RNGTT: variants seen among roughly 807,000 people sequenced by gnomAD.
The protein encoded by RNGTT is RNA guanylyltransferase and 5'-phosphatase.
A neutral mutation model predicts 79.3 loss-of-function variants in RNGTT; 33 were observed. That is an observed-to-expected ratio of 0.42 (90% CI 0.32 to 0.56). RNGTT has a LOEUF of 0.56. Among genes scored for constraint, RNGTT ranks in the 20% least tolerant of loss-of-function variants. RNGTT has a pLI of 0.17. For missense variants in RNGTT, 497 were observed against 739.1 expected (o/e 0.67, Z 3.80); for synonymous variants, 222 against 235.9 (o/e 0.94, Z 0.54).
intron 13 of RNGTT, among the ~76,000 whole-genome samples, chr6:88,753,797 G>C (rs1777917919): frequency 1.3e-5 from 2 of 151,906 alleles, no homozygotes; most frequent in African/African-American, 4.8e-5. Flanking sequence ...TACTGACAAA[G>C]AGCAGCAAAA....
At chr6:88,749,023 C>T (rs1164643833) in intron 13 of RNGTT, among the ~76,000 whole-genome samples, 2 of 152,038 alleles carry the variant, frequency 1.3e-5, no homozygotes, top group African/African-American at 2.4e-5. Flanking sequence ...GATTTGTCGA[C>T]AGCAACAAGG....
rs545988315 is a variant in RNGTT at position 88,730,679 on chromosome 6, G to A, written c.1439+39095C>T. On this transcript the variant is annotated intron_variant, in intron 13 of 15. Coordinates refer to ENST00000369485, the MANE Select transcript of RNGTT (RefSeq NM_003800.5). ...CCCAGTTCCTAACAGGCCATGGACT[G>A]GTACGGGTCTGTGGCCTGGGAGTTG... 2.6e-5 allele frequency among the ~76,000 whole-genome samples: 4 copies of A among 152,334 alleles called. No individual in the cohort carries two copies. The East Asian group carries it at 5.8e-4, about 22-fold the overall frequency.
At chr6:88,647,715 A>AAAAAAAAAAAAAAGAAG (rs531898293) in intron 14 of RNGTT, among the ~76,000 whole-genome samples, 1 of 142,446 alleles carries the variant, frequency 7.0e-6, no homozygotes, top group African/African-American at 3.0e-5. Context: ...AAAAAAAAAA[A>AAAAAAAAAAAAAAGAAG]AAGAAGAAGA....
At position 88,826,788 on chromosome 6, in the gene RNGTT, GAA is replaced by G. The variant is rs1189448559; in HGVS notation, c.1269+17567_1269+17568del. 9.8e-3 allele frequency among the ~76,000 whole-genome samples: 682 copies of G among 69,688 alleles called. 8 individuals are homozygous for G. The highest frequency in any genetic ancestry group is 0.044 in the African/African-American group (643 of 14,628). 45.7% of individuals were successfully genotyped at this position (69,688 alleles called of 152,430 possible). ...ACAAGAGCAAAACCCTGTCTCAAAA[GAA>G]AAAAAAAAAATATATATATATATAT... On this transcript the variant is annotated intron_variant, in intron 11 of 15. Coordinates refer to ENST00000369485, the MANE Select transcript of RNGTT (RefSeq NM_003800.5).
intron 11 of RNGTT, among the ~76,000 whole-genome samples, chr6:88,806,598 G>C (rs1381627433): frequency 6.6e-6 from 1 of 151,870 alleles, no homozygotes; most frequent in Non-Finnish European, 1.5e-5. Context: ...TACAGGTGTG[G>C]GCCACCGCAC....
chr6:88,918,236 T>C (rs1270861039), intron 4 of RNGTT, among the ~76,000 whole-genome samples: 1 of 151,992 alleles, frequency 6.6e-6, no homozygotes, highest in Non-Finnish European at 1.5e-5. Context: ...GGTGGGAAGA[T>C]TGCTCGAGAC....
At chr6:88,783,903 C>CT (rs925322368) in intron 12 of RNGTT, among the ~76,000 whole-genome samples, 6 of 151,538 alleles carry the variant, frequency 4.0e-5, no homozygotes, top group Non-Finnish European at 8.8e-5. Context: ...TGCATTCATT[C>CT]TTTTTTTTTA....
At chr6:88,745,904 T>C (rs557333955) in intron 13 of RNGTT, among the ~76,000 whole-genome samples, 1 of 152,266 alleles carries the variant, frequency 6.6e-6, no homozygotes, top group Non-Finnish European at 1.5e-5. Context: ...TGCCTCTTAT[T>C]TCCAAAGCTA....
At chr6:88,678,619 AT>A (rs760678232) in intron 13 of RNGTT, among the ~76,000 whole-genome samples, 200 bp from the exon 14 acceptor site, 1 of 152,122 alleles carries the variant, frequency 6.6e-6, no homozygotes. Context: ...ATAATTTTAT[AT>A]TTCAGAAAAT....
chr6:88,827,707 G>T lies in RNGTT; in HGVS notation c.1269+16650C>A, dbSNP rs561735846. On this transcript the variant is annotated intron_variant, in intron 11 of 15. Transcript: ENST00000369485. Reference sequence around the variant, plus strand: ...CTGGGATGCTGGAGCTTGGTGGGGGGAGGGGCGTCTGCCATTACCAAGGCG... The same window carrying T: ...CTGGGATGCTGGAGCTTGGTGGGGGTAGGGGCGTCTGCCATTACCAAGGCG... Among the ~76,000 whole-genome samples, 12 of 152,274 alleles carry T rather than the reference G, an allele frequency of 7.9e-5. No homozygotes were observed. The South Asian group carries it at 2.5e-3, about 32-fold the overall frequency.
intron 4 of RNGTT, among the ~76,000 whole-genome samples, chr6:88,926,273 T>C (rs1197958365): frequency 6.6e-6 from 1 of 152,232 alleles, no homozygotes; most frequent in Non-Finnish European, 1.5e-5. Flanking sequence ...ATCAGTTCCA[T>C]TGCTTTACCA....
At chr6:88,887,794 T>C (rs1278340782) in intron 8 of RNGTT, among the ~76,000 whole-genome samples, 1 of 152,120 alleles carries the variant, frequency 6.6e-6, no homozygotes, top group Non-Finnish European at 1.5e-5. Context: ...CTTACCATGA[T>C]ACTGTGAAGA....
rs114468732 is a variant in RNGTT, at chr6:88,664,329, G to A, written c.1506+14024C>T. ...ATGTACACTCCCTTTGACCCAGACA[G>A]CCCTGAAAATCAGCGCATGATTAAC... On this transcript the variant is annotated intron_variant, in intron 14 of 15. Transcript: ENST00000369485. Among the ~76,000 whole-genome samples, 275 of 152,314 alleles carry A rather than the reference G, an allele frequency of 1.8e-3. 1 individual carries two copies. The highest frequency in any genetic ancestry group is 6.8e-3 in the Middle Eastern group (2 of 294).
intron 8 of RNGTT, among the ~76,000 whole-genome samples, chr6:88,861,548 T>C (rs1782015127): frequency 6.6e-6 from 1 of 152,182 alleles, no homozygotes; most frequent in Non-Finnish European, 1.5e-5. Context: ...TTTTTTTAAA[T>C]AAGAAATCTT....
intron 8 of RNGTT, 100 bp from the exon 9 acceptor site, chr6:88,853,864 T>C (rs972195044): frequency 1.3e-5 from 8 of 634,502 alleles, no homozygotes; most frequent in Non-Finnish European, 2.1e-5. Flanking sequence ...TAAACATCTG[T>C]AGACTAATGT....
At chr6:88,718,676 A>T (rs902696503) in intron 13 of RNGTT, among the ~76,000 whole-genome samples, 1 of 152,048 alleles carries the variant, frequency 6.6e-6, no homozygotes, top group Non-Finnish European at 1.5e-5. Context: ...ATTTGTATTT[A>T]TATTATTTTA....
chr6:88,814,428 A>C (rs925092726), intron 11 of RNGTT, among the ~76,000 whole-genome samples: 2 of 152,192 alleles, frequency 1.3e-5, no homozygotes, highest in Non-Finnish European at 2.9e-5. Flanking sequence ...TCTATAGTCC[A>C]AGTTGCCTTA....
intron 11 of RNGTT, among the ~76,000 whole-genome samples, chr6:88,834,596 T>C (rs950096571): frequency 6.6e-6 from 1 of 152,192 alleles, no homozygotes; most frequent in Non-Finnish European, 1.5e-5. Flanking sequence ...TTCATGTTTA[T>C]GCAAAAATTC....
intron 13 of RNGTT, among the ~76,000 whole-genome samples, chr6:88,695,048 T>C (rs1775613110): frequency 6.6e-6 from 1 of 152,088 alleles, no homozygotes; most frequent in African/African-American, 2.4e-5. Flanking sequence ...ATGTAAGATC[T>C]GAAACTGTAA....
Sources: gnomAD v4.1 joint callset for allele counts (sites outside exome capture counted in the v4.1 genomes callset) on GRCh38, gnomAD v4.1.1 for gene constraint, MANE v1.5 for transcripts, NCBI Gene and HGNC (gene_info 2026-07-23, HGNC 2026-07-21) for gene names.